The following WNK2 variants were observed in gnomAD, a reference collection of about 807,000 sequenced individuals.
WNK2 encodes the protein WNK lysine deficient protein kinase 2.
In WNK2, 67 loss-of-function variants were observed where a neutral mutation model predicts 192.1. The ratio of observed to expected loss-of-function variants is 0.35; its 90% CI spans 0.29 to 0.43. WNK2 has a LOEUF of 0.43. Among genes scored for constraint, WNK2 ranks in the 20% least tolerant of loss-of-function variants. The pLI, the probability that WNK2 is intolerant of heterozygous loss-of-function variation, is 1.00. For missense variants in WNK2, 2,698 were observed against 3,089.7 expected (o/e 0.87, Z 3.01); for synonymous variants, 1,439 against 1,393.9 (o/e 1.03, Z -0.72).
intron 19 of WNK2, among the ~76,000 whole-genome samples, chr9:93,283,492 A>G (rs186534889): frequency 2.1e-4 from 32 of 152,216 alleles, no homozygotes; most frequent in African/African-American, 7.2e-4. Context: ...TACAAACATT[A>G]AGACAAATAT....
intron 23 of WNK2, among the ~76,000 whole-genome samples, chr9:93,293,486 AT>A (rs1849714179): frequency 6.6e-6 from 1 of 151,754 alleles, no homozygotes; most frequent in Non-Finnish European, 1.5e-5. Context: ...CGCCCGGTTG[AT>A]TTTTCTATTT....
At chr9:93,242,367 T>C (rs955205512) in intron 7 of WNK2, among the ~76,000 whole-genome samples, 4 of 152,346 alleles carry the variant, frequency 2.6e-5, no homozygotes, top group South Asian at 2.1e-4. Context: ...ATGGGGTTGA[T>C]GAGCTCTGTG....
chr9:93,229,291 C>A lies in WNK2; in HGVS notation c.682-405C>A, dbSNP rs544030546. On this transcript the variant is annotated intron_variant, in intron 2 of 29. Transcript: ENST00000427277. The surrounding 1 kb of genome is among the most constrained non-coding windows in gnomAD (Gnocchi z 4.9). ...GTCTCCTCTGTTCTAATCCACTGGG[C>A]CCTGAGTACTTCTTCTGAGTTGTGT... Among the ~76,000 whole-genome samples, 6 of 152,294 alleles carry A rather than the reference C, an allele frequency of 3.9e-5. No homozygotes were observed. Among genetic ancestry groups the A allele is most frequent in the Admixed American group, 2.6e-4 (4 of 15,302 alleles).
intron 2 of WNK2, among the ~76,000 whole-genome samples, chr9:93,198,786 C>T (rs1345301658): frequency 6.6e-6 from 1 of 152,224 alleles, no homozygotes; most frequent in Non-Finnish European, 1.5e-5. Flanking sequence ...TGCCTCTGGG[C>T]CCCCACTCCC....
chr9:93,264,070 T>C (rs1460311927), intron 16 of WNK2, 37 bp downstream of exon 16: 1 of 1,505,934 alleles, frequency 6.6e-7, no homozygotes, highest in Non-Finnish European at 9.2e-7. Flanking sequence ...TCCCGGTGTT[T>C]CTTGGACACG....
intron 21 of WNK2, among the ~76,000 whole-genome samples, chr9:93,292,034 G>C (rs1454961704): frequency 6.6e-6 from 1 of 152,252 alleles, no homozygotes; most frequent in Non-Finnish European, 1.5e-5. Context: ...GGGTGCCCGG[G>C]GCTGACGCCT....
chr9:93,280,228 T>C (rs1057177105), intron 19 of WNK2, among the ~76,000 whole-genome samples: 11 of 152,176 alleles, frequency 7.2e-5, no homozygotes, highest in Admixed American at 6.5e-4. Context: ...ATTGAAAAGG[T>C]TGGTACAGAT....
chr9:93,320,456 C>T lies in WNK2; in HGVS notation c.*64C>T, dbSNP rs1438939191. ...TGGAGAAGTGACGGACCCTCAGGGC[C>T]AGCTGCTCCTCCTGTCCAGTTCACG... On this transcript the variant is annotated 3_prime_UTR_variant, in exon 30 of 30. Transcript: ENST00000427277. 7.4e-6 allele frequency: 10 copies of T among 1,359,488 alleles called. No individual in the cohort carries two copies. The highest frequency in any genetic ancestry group is 9.9e-6 in the Non-Finnish European group (10 of 1,014,864). The allele number at this position is 1,359,488 out of a possible 1,614,324, so 84.2% of individuals were successfully genotyped here.
intron 9 of WNK2, among the ~76,000 whole-genome samples, chr9:93,253,593 G>C (rs1041586350): frequency 3.5e-4 from 54 of 152,210 alleles, no homozygotes; most frequent in African/African-American, 1.3e-3. Flanking sequence ...CTCCTGAGGG[G>C]CTCCTGGCAC....
intron 2 of WNK2, among the ~76,000 whole-genome samples, chr9:93,194,890 A>T (rs560081147): frequency 6.6e-6 from 1 of 152,236 alleles, no homozygotes; most frequent in Non-Finnish European, 1.5e-5. Flanking sequence ...GAAATGAGCT[A>T]TGAAGACATG....
At chr9:93,225,904 CTGTTGTGTTATGTTG>C (rs1837725800) in intron 2 of WNK2, among the ~76,000 whole-genome samples, 2 of 111,178 alleles carry the variant, frequency 1.8e-5, no homozygotes, top group Middle Eastern at 3.8e-3. Context: ...GCATGTCTTT[CTGTTGTGTTATGTTG>C]TGTTGTGTTG....
Position 93,319,321 on chromosome 9 carries a change from C to T in WNK2, c.6629-1046C>T, listed in dbSNP as rs1855233328. On this transcript the variant is annotated intron_variant, in intron 29 of 29. Coordinates refer to ENST00000427277, the MANE Select transcript of WNK2 (RefSeq NM_006648.4). ...AGTTCTGGGCTCAGCTGCATCCACA[C>T]CTCTGGAGGAGGGTGCTGAGGGGCT... The T allele has an allele frequency of 4.2e-6, 6 of 1,423,644 alleles. No individual in the cohort carries two copies. The South Asian group carries it at 7.4e-5, about 18-fold the overall frequency. 88.2% of individuals were successfully genotyped at this position (1,423,644 alleles called of 1,614,324 possible).
intron 24 of WNK2, 106 bp from the exon 25 acceptor site, chr9:93,298,964 C>A (rs1851096355): frequency 1.6e-6 from 2 of 1,241,580 alleles, no homozygotes; most frequent in Non-Finnish European, 2.2e-6. Flanking sequence ...GAGACGTGAG[C>A]TTCCCCAAGG....
intron 16 of WNK2, among the ~76,000 whole-genome samples, chr9:93,265,914 G>A (rs1167323854): frequency 6.6e-6 from 1 of 152,218 alleles, no homozygotes; most frequent in Admixed American, 6.5e-5. Flanking sequence ...ATCTTTAGCT[G>A]TGTGCTTTGT....
At chr9:93,281,813 C>G (rs1468604918) in intron 19 of WNK2, among the ~76,000 whole-genome samples, 10 of 152,190 alleles carry the variant, frequency 6.6e-5, no homozygotes, top group Non-Finnish European at 1.5e-4. Flanking sequence ...TGTCTCAGTA[C>G]AGATAACATA....
chr9:93,298,385 C>T (rs954583886), intron 24 of WNK2, among the ~76,000 whole-genome samples: 1 of 152,222 alleles, frequency 6.6e-6, no homozygotes, highest in Non-Finnish European at 1.5e-5. Flanking sequence ...CAGGGCACTG[C>T]GTGGACGGAT....
At chr9:93,260,231 A>G (rs1177050043) in intron 12 of WNK2, among the ~76,000 whole-genome samples, 1 of 152,064 alleles carries the variant, frequency 6.6e-6, no homozygotes. Context: ...AGGCCTTCCC[A>G]CAGGGATCCA....
At chr9:93,279,041 G>A (rs567520413) in intron 19 of WNK2, among the ~76,000 whole-genome samples, 32 of 152,292 alleles carry the variant, frequency 2.1e-4, no homozygotes, top group Non-Finnish European at 3.2e-4. Flanking sequence ...GTGAACAGCC[G>A]AAAAGCATCC....
intron 28 of WNK2, among the ~76,000 whole-genome samples, chr9:93,312,618 T>C (rs1029403523): frequency 3.0e-4 from 45 of 152,152 alleles, no homozygotes; most frequent in African/African-American, 1.1e-3. Context: ...GACCTCATGA[T>C]CCGCCCGCCT....
Sources: gnomAD v4.1 joint callset for allele counts (sites outside exome capture counted in the v4.1 genomes callset) on GRCh38, gnomAD v4.1.1 for gene constraint, Gnocchi (gnomAD v3.1) non-coding constraint, MANE v1.5 for transcripts, NCBI Gene and HGNC (gene_info 2026-07-23, HGNC 2026-07-21) for gene names.